The following RALGPS1 variants were observed in gnomAD, a reference collection of about 807,000 sequenced individuals.
RALGPS1 encodes the protein Ral GEF with PH domain and SH3 binding motif 1, also known as ras-specific guanine nucleotide-releasing factor RalGPS1.
RALGPS1 carries 19 observed loss-of-function variants against 78.8 expected under a neutral mutation model. That is an observed-to-expected ratio of 0.24 (90% CI 0.17 to 0.35). The LOEUF is 0.35. RALGPS1 is among the 10% of genes least tolerant of loss of function. The pLI, the probability that RALGPS1 is intolerant of heterozygous loss-of-function variation, is 1.00. For synonymous variants in RALGPS1, 228 were observed against 256.3 expected, an observed-to-expected ratio of 0.89 and a Z score of 1.06; for missense variants, 454 against 688.3, an observed-to-expected ratio of 0.66 and a Z score of 3.81.
chr9:126,981,871 G>A (rs1472087035), intron 4 of RALGPS1, among the ~76,000 whole-genome samples: 1 of 152,138 alleles, frequency 6.6e-6, no homozygotes, highest in African/African-American at 2.4e-5. Context: ...TAGCTGGGTG[G>A]TCCTGGCTCA....
intron 1 of RALGPS1, among the ~76,000 whole-genome samples, chr9:126,917,889 T>C (rs2034336876): frequency 6.6e-6 from 1 of 152,212 alleles, no homozygotes; most frequent in Non-Finnish European, 1.5e-5. Flanking sequence ...CCAAGAGTCC[T>C]TCGAGCTCTA....
At chr9:127,130,729 A>G (rs1176792573) in intron 8 of RALGPS1, among the ~76,000 whole-genome samples, 1 of 152,190 alleles carries the variant, frequency 6.6e-6, no homozygotes, top group Non-Finnish European at 1.5e-5. Context: ...AGATTCTTTT[A>G]TTATTCCCCA....
chr9:126,940,589 C>T (rs1382100073), intron 1 of RALGPS1, among the ~76,000 whole-genome samples: 4 of 151,970 alleles, frequency 2.6e-5, no homozygotes, highest in African/African-American at 4.8e-5. Flanking sequence ...ACAAGCCGCC[C>T]GCCACCATGC....
At chr9:127,172,073 G>A (rs1217569880) in intron 10 of RALGPS1, among the ~76,000 whole-genome samples, 3 of 152,182 alleles carry the variant, frequency 2.0e-5, no homozygotes, top group Non-Finnish European at 4.4e-5. Flanking sequence ...CATTCCTGGA[G>A]TCTTTATTTT....
intron 4 of RALGPS1, among the ~76,000 whole-genome samples, chr9:126,993,530 GT>G (rs75787809): frequency 2.4e-3 from 349 of 142,608 alleles, no homozygotes; most frequent in Admixed American, 2.9e-3. Flanking sequence ...TCTGTGGAAA[GT>G]TTTTTTTTTT....
At chr9:127,164,461 C>T (rs1442550386) in intron 8 of RALGPS1, among the ~76,000 whole-genome samples, 1 of 151,632 alleles carries the variant, frequency 6.6e-6, no homozygotes, top group African/African-American at 2.4e-5. Context: ...TTTTGAACTC[C>T]TGACCTCAGG....
At chr9:126,917,625 G>A (rs1248645017) in intron 1 of RALGPS1, among the ~76,000 whole-genome samples, 2 of 152,196 alleles carry the variant, frequency 1.3e-5, no homozygotes, top group African/African-American at 4.8e-5. Context: ...TGCCCACCTT[G>A]TGAGGTTGTT....
chr9:127,040,875 AT>A (rs2047228315), intron 5 of RALGPS1, among the ~76,000 whole-genome samples: 2 of 152,110 alleles, frequency 1.3e-5, no homozygotes, highest in African/African-American at 2.4e-5. Flanking sequence ...ATGTCTTTAT[AT>A]TACTTTATAT....
intron 1 of RALGPS1, among the ~76,000 whole-genome samples, chr9:126,925,075 C>T (rs1459130100): frequency 3.3e-5 from 5 of 149,946 alleles, no homozygotes; most frequent in African/African-American, 7.4e-5. Flanking sequence ...TGCGGTGAGC[C>T]GAGATCGCAC....
intron 3 of RALGPS1, among the ~76,000 whole-genome samples, chr9:126,975,625 C>T (rs2040533041): frequency 6.6e-6 from 1 of 152,130 alleles, no homozygotes; most frequent in South Asian, 2.1e-4. Context: ...CTTGGCTAAC[C>T]ATCTTGATGG....
intron 1 of RALGPS1, among the ~76,000 whole-genome samples, chr9:126,948,738 G>A (rs907032332): frequency 4.0e-5 from 6 of 151,838 alleles, no homozygotes; most frequent in African/African-American, 4.8e-5. Context: ...ATTCAGCTCC[G>A]TAAACATAGG....
chr9:127,021,530 A>G (rs1428179874), intron 4 of RALGPS1, among the ~76,000 whole-genome samples: 1 of 151,576 alleles, frequency 6.6e-6, no homozygotes, highest in African/African-American at 2.4e-5. Flanking sequence ...AGATTTTTAA[A>G]AAAAGTTCTT....
At chr9:126,946,695 C>G (rs1385578859) in intron 1 of RALGPS1, among the ~76,000 whole-genome samples, 1 of 152,062 alleles carries the variant, frequency 6.6e-6, no homozygotes, top group Non-Finnish European at 1.5e-5. Context: ...ACCTCTGATG[C>G]ACCCAGGGCT....
At chr9:127,047,062 G>C (rs2047863760) in intron 5 of RALGPS1, among the ~76,000 whole-genome samples, 1 of 150,838 alleles carries the variant, frequency 6.6e-6, no homozygotes, top group Non-Finnish European at 1.5e-5. Flanking sequence ...ACTTGTTGAT[G>C]GGTAAACAAA....
At chr9:126,993,915 C>T (rs1328742579) in intron 4 of RALGPS1, among the ~76,000 whole-genome samples, 1 of 152,206 alleles carries the variant, frequency 6.6e-6, no homozygotes, top group African/African-American at 2.4e-5. Context: ...CCCAGGCAAA[C>T]AGGGTCTGGA....
chr9:127,212,277 C>T lies in RALGPS1; in HGVS notation c.1353+41C>T. 7.4e-6 allele frequency: 11 copies of T among 1,481,992 alleles called. No homozygotes were observed. The highest frequency in any genetic ancestry group is 1.0e-5 in the Non-Finnish European group (11 of 1,077,034). 91.8% of individuals were successfully genotyped at this position (1,481,992 alleles called of 1,614,324 possible). On this transcript the variant is annotated intron_variant, in intron 15 of 18. Coordinates refer to ENST00000259351, the MANE Select transcript of RALGPS1 (RefSeq NM_014636.3). The surrounding 1 kb of genome is among the most constrained non-coding windows in gnomAD (Gnocchi z 6.0). ...CATCCACCGGGGCAGCAGGGGCTTCCACATCTGTAAATAGTGCCCACTCCT... is the reference window on the plus strand; with the variant it reads ...CATCCACCGGGGCAGCAGGGGCTTCTACATCTGTAAATAGTGCCCACTCCT...
At chr9:126,968,741 A>G (rs2039783955) in intron 3 of RALGPS1, among the ~76,000 whole-genome samples, 1 of 152,236 alleles carries the variant, frequency 6.6e-6, no homozygotes, top group Non-Finnish European at 1.5e-5. Context: ...TAAGCTACAT[A>G]TGCAATTTAA....
At chr9:127,217,025 A>T in intron 18 of RALGPS1, 1 of 1,506,856 alleles carries the variant, frequency 6.6e-7, no homozygotes, top group Non-Finnish European at 8.9e-7. Flanking sequence ...TGGTGGCCCC[A>T]GTCAGGAGCA....
intron 4 of RALGPS1, among the ~76,000 whole-genome samples, chr9:127,023,937 T>C (rs1249776536): frequency 6.8e-6 from 1 of 147,566 alleles, no homozygotes; most frequent in Non-Finnish European, 1.5e-5. Flanking sequence ...CTCGGGAAGC[T>C]GAGGCAGAAG....
Sources: gnomAD v4.1 joint callset for allele counts (sites outside exome capture counted in the v4.1 genomes callset) on GRCh38, gnomAD v4.1.1 for gene constraint, Gnocchi (gnomAD v3.1) non-coding constraint, MANE v1.5 for transcripts, NCBI Gene and HGNC (gene_info 2026-07-23, HGNC 2026-07-21) for gene names.